Variants in LRRC59 observed in about 807,000 individuals in gnomAD.
The protein encoded by LRRC59 is leucine-rich repeat-containing protein 59.
LRRC59 carries 18 observed loss-of-function variants against 33.5 expected under a neutral mutation model. The ratio of observed to expected loss-of-function variants is 0.54; its 90% confidence interval spans 0.37 to 0.80. LRRC59 has a LOEUF of 0.80. LRRC59 is among the 30% of genes least tolerant of loss of function. The pLI is 0.00. For missense variants in LRRC59, 330 were observed against 391.9 expected, an observed-to-expected ratio of 0.84 and a Z score of 1.33; for synonymous variants, 138 against 160.0, an observed-to-expected ratio of 0.86 and a Z score of 1.04.
At chr17:50,393,329 G>A (rs1281299621) in intron 2 of LRRC59, among the ~76,000 whole-genome samples, 2 of 152,194 alleles carry the variant, frequency 1.3e-5, no homozygotes, top group East Asian at 3.9e-4. Context: ...CTCAGTTCTT[G>A]CTCCAGCCTA....
Position 50,397,459 on chromosome 17 carries a change from C to T in LRRC59, c.-142G>A. 1.8e-6 allele frequency: 1 copy of T among 542,116 alleles called. No individual in the cohort carries two copies. 33.6% of individuals were successfully genotyped at this position (542,116 alleles called of 1,614,324 possible). A position where few individuals can be genotyped will look rare whatever the true frequency, so the allele number is the denominator to read the frequency against. Reference sequence around the variant, plus strand: ...GCCGCCGATGCGAGACCGCCTCCGCCCGCTGGCCGCACTCCGAGCCTCGCG... The same window carrying T: ...GCCGCCGATGCGAGACCGCCTCCGCTCGCTGGCCGCACTCCGAGCCTCGCG... On this transcript the variant is annotated 5_prime_UTR_variant, in exon 1 of 7. Transcript: ENST00000225972.
chr17:50,391,950 G>A (rs1437501099), intron 4 of LRRC59, among the ~76,000 whole-genome samples: 1 of 152,250 alleles, frequency 6.6e-6, no homozygotes, highest in African/African-American at 2.4e-5. Context: ...TATAATCCCA[G>A]CACTTTGGAA....
chr17:50,397,054 TG>T, intron 1 of LRRC59, 158 bp downstream of exon 1: 2 of 489,626 alleles, frequency 4.1e-6, no homozygotes, highest in Non-Finnish European at 7.2e-6. Flanking sequence ...GGAAGAACCT[TG>T]GGCTGGACGC....
chr17:50,394,254 G>C (rs1337653157), intron 2 of LRRC59, among the ~76,000 whole-genome samples: 1 of 152,186 alleles, frequency 6.6e-6, no homozygotes. Context: ...GTGATGGGTG[G>C]AAGTGGCAAT....
rs1914236567 is a variant in LRRC59 at position 50,394,964 on chromosome 17, G to A, written c.130C>T (p.Leu44=). ...GTCAGTTTATTACAAGACAGATCCA[G>A]GATGGTGGCCTTTGGAAGGGCAGCC... ...ELAALPKATI[L]DLSCNKLTTL... Residue 44 remains leucine, a synonymous_variant, in exon 2 of 7, where the codon CTG becomes TTG. Transcript: ENST00000225972. 3.7e-6 allele frequency: 6 copies of A among 1,608,182 alleles called. No homozygotes were observed. The highest frequency in any genetic ancestry group is 5.1e-6 in the Non-Finnish European group (6 of 1,175,990).
chr17:50,394,163 C>T (rs1914216433), intron 2 of LRRC59, among the ~76,000 whole-genome samples: 1 of 152,184 alleles, frequency 6.6e-6, no homozygotes, highest in Non-Finnish European at 1.5e-5. Flanking sequence ...ACATTGCCAA[C>T]TTCTGAATTC....
At chr17:50,392,319 G>T in intron 4 of LRRC59, 79 bp downstream of exon 4, 2 of 1,104,788 alleles carry the variant, frequency 1.8e-6, no homozygotes, top group Non-Finnish European at 1.4e-6. Flanking sequence ...AGCTCCAGGT[G>T]CCCTAGGAGG....
intron 3 of LRRC59, 113 bp downstream of exon 3, chr17:50,392,626 C>T (rs1914173726): frequency 6.6e-7 from 1 of 1,504,094 alleles, no homozygotes; most frequent in African/African-American, 1.4e-5. Flanking sequence ...GGAGCGCCAT[C>T]TGAGGCAGGA....
Position 50,385,078 on chromosome 17 carries a change from T to C in LRRC59, c.676+40A>G, listed in dbSNP as rs1464931682. 4 of 1,602,844 alleles carry C rather than the reference T, an allele frequency of 2.5e-6. No homozygotes were observed. In the Admixed American group the frequency reaches 6.7e-5, roughly 27 times the overall value. On this transcript the variant is annotated intron_variant, in intron 6 of 6. Transcript: ENST00000225972. ...TGCCTGGAAACATGAGTGTCTCCAC[T>C]GTACCCCTGCTGGAATCTTACAACA...
intron 1 of LRRC59, chr17:50,396,850 G>A (rs1451624629): frequency 1.8e-5 from 6 of 335,002 alleles, no homozygotes; most frequent in African/African-American, 4.2e-5. Flanking sequence ...CCTGGAACAA[G>A]TCACTCATTC....
chr17:50,394,451 C>G (rs1803160820), intron 2 of LRRC59, among the ~76,000 whole-genome samples: 1 of 152,176 alleles, frequency 6.6e-6, no homozygotes, highest in Non-Finnish European at 1.5e-5. Context: ...TAATTCAAGT[C>G]CTTTGGGAGA....
In LRRC59 at chr17:50,395,356, CAAAA is replaced by C. The variant is rs11405361; in HGVS notation, c.106-372_106-369del. On this transcript the variant is annotated intron_variant, in intron 1 of 6. Coordinates refer to ENST00000225972, the MANE Select transcript of LRRC59 (RefSeq NM_018509.4). ...TGCACAACACAGTGAGACCCCATCT[CAAAA>C]AAAAAAAAAAAGAAAGGAAGGCAGG... Among the ~76,000 whole-genome samples, 3 of 127,112 alleles carry C rather than the reference CAAAA, an allele frequency of 2.4e-5. No individual in the cohort carries two copies. The Admixed American group carries it at 2.4e-4, about 10-fold the overall frequency. 83.4% of individuals were successfully genotyped at this position (127,112 alleles called of 152,430 possible). A position where few individuals can be genotyped will look rare whatever the true frequency, so the allele number is the denominator to read the frequency against.
At chr17:50,395,194 G>C (rs1914241255) in intron 1 of LRRC59, among the ~76,000 whole-genome samples, 1 of 152,132 alleles carries the variant, frequency 6.6e-6, no homozygotes. Context: ...GAAGGGATGT[G>C]GCTGTACAAC....
At chr17:50,386,724 C>T (rs1296111332) in intron 5 of LRRC59, among the ~76,000 whole-genome samples, 2 of 152,160 alleles carry the variant, frequency 1.3e-5, no homozygotes, top group Non-Finnish European at 2.9e-5. Flanking sequence ...TAACTTGGCA[C>T]GGTGCTCTCA....
rs567759272 is a variant in LRRC59 at position 50,389,268 on chromosome 17, C to T, written c.430-1136G>A. 1.1e-3 allele frequency among the ~76,000 whole-genome samples: 167 copies of T among 152,280 alleles called. 1 individual carries two copies. The highest frequency in any genetic ancestry group is 1.8e-3 in the Non-Finnish European group (124 of 68,032). ...TGGATGACCTCTAACCACACAATCA[C>T]AAAGATTCTCGCTATGGTGGGTGGA... On this transcript the variant is annotated intron_variant, in intron 4 of 6. Coordinates refer to ENST00000225972, the MANE Select transcript of LRRC59 (RefSeq NM_018509.4).
chr17:50,392,376 T>G, intron 4 of LRRC59, 22 bp downstream of exon 4: 1 of 1,603,366 alleles, frequency 6.2e-7, no homozygotes, highest in African/African-American at 1.3e-5. Flanking sequence ...AAGGAGCCAC[T>G]GGGAGGGAGC....
At chr17:50,392,073 G>A (rs753598909) in intron 4 of LRRC59, among the ~76,000 whole-genome samples, 48 of 152,282 alleles carry the variant, frequency 3.2e-4, no homozygotes, top group Middle Eastern at 3.4e-3. Context: ...GGTAGCAGGC[G>A]TCTGTAATCT....
chr17:50,383,384 C>G (rs3744525), intron 6 of LRRC59, 149 bp from the exon 7 acceptor site: 642,014 of 1,000,336 alleles, frequency 0.64, 211,191 homozygotes, highest in African/African-American at 0.7. Context: ...AATGTCTCCA[C>G]AGACCGAAAC....
intron 1 of LRRC59, 157 bp downstream of exon 1, chr17:50,397,056 G>C: frequency 2.0e-6 from 1 of 493,024 alleles, no homozygotes; most frequent in Non-Finnish European, 3.5e-6. Context: ...AAGAACCTTG[G>C]GCTGGACGCG....
Sources: allele counts gnomAD v4.1 joint callset (sites outside exome capture counted in the v4.1 genomes callset), GRCh38; gene constraint gnomAD v4.1.1; transcripts MANE v1.5; gene names NCBI Gene and HGNC (gene_info 2026-07-23, HGNC 2026-07-21).